Variants in PPARGC1A observed in about 807,000 individuals in gnomAD.
PPARGC1A encodes PPARG coactivator 1 alpha.
In PPARGC1A, 25 loss-of-function variants were observed where a neutral mutation model predicts 88.7. That is an observed-to-expected ratio of 0.28 (90% CI 0.21 to 0.39). The LOEUF (loss-of-function observed/expected upper bound fraction) is 0.39. PPARGC1A is among the 10% of genes least tolerant of loss of function. The pLI, the probability that PPARGC1A is intolerant of heterozygous loss-of-function variation, is 1.00. For missense variants in PPARGC1A, 880 were observed against 968.7 expected (o/e 0.91, Z 1.22); for synonymous variants, 363 against 355.6 (o/e 1.02, Z -0.24).
At position 23,870,656 on chromosome 4, in the gene PPARGC1A, G is replaced by A. The variant is rs965691824; in HGVS notation, c.234+14096C>T. On this transcript the variant is annotated intron_variant, in intron 2 of 12. Coordinates refer to ENST00000264867, the MANE Select transcript of PPARGC1A (RefSeq NM_013261.5). The stretch of plus-strand genomic sequence containing the variant: ...CAAGCGTTAAGTGAGGGGTGAAGAA[G>A]TGTATCTGGGAATAAAATGTGCTCC... 2.0e-5 allele frequency among the ~76,000 whole-genome samples: 3 copies of A among 152,190 alleles called. No individual in the cohort carries two copies. In the South Asian group the frequency reaches 6.2e-4, roughly 31 times the overall value.
chr4:24,391,685 A>T, the PPARGC1A span, among the ~76,000 whole-genome samples: 10 of 152,326 alleles, frequency 6.6e-5, no homozygotes, highest in South Asian at 1.7e-3. Context: ...ATAATCTCAT[A>T]AATCTCTTCA....
At chr4:23,968,468 T>C in the PPARGC1A span, among the ~76,000 whole-genome samples, 1 of 151,970 alleles carries the variant, frequency 6.6e-6, no homozygotes, top group Non-Finnish European at 1.5e-5. Context: ...CATGCTGGAG[T>C]CCCTTCCACA....
At chr4:24,331,063 T>G in the PPARGC1A span, among the ~76,000 whole-genome samples, 1 of 152,168 alleles carries the variant, frequency 6.6e-6, no homozygotes, top group Non-Finnish European at 1.5e-5. Context: ...AGTAATATTC[T>G]TCATGCTGTT....
chr4:24,075,176 A>G, the PPARGC1A span, among the ~76,000 whole-genome samples: 19 of 152,176 alleles, frequency 1.2e-4, no homozygotes, highest in Admixed American at 1.1e-3. Flanking sequence ...ATGTGTTTAA[A>G]ATATTCTGTA....
At chr4:23,895,118 G>C (rs1173321868) in intron 1 of PPARGC1A, among the ~76,000 whole-genome samples, 6 of 126,104 alleles carry the variant, frequency 4.8e-5, no homozygotes, top group Admixed American at 2.6e-4. Flanking sequence ...GCTGAACTTA[G>C]TAAGTGCCAG....
chr4:23,953,939 C>T, the PPARGC1A span, among the ~76,000 whole-genome samples: 1 of 151,954 alleles, frequency 6.6e-6, no homozygotes, highest in Admixed American at 6.6e-5. Context: ...TTTCATAAGA[C>T]CGTACTGTCT....
the PPARGC1A span, among the ~76,000 whole-genome samples, chr4:24,354,167 G>T: frequency 6.6e-6 from 1 of 152,200 alleles, no homozygotes; most frequent in African/African-American, 2.4e-5. Flanking sequence ...GACGTCAGAT[G>T]CTTCTCATGC....
the PPARGC1A span, among the ~76,000 whole-genome samples, chr4:23,910,215 A>AATATATAATATATTATATATAAT: frequency 2.9e-4 from 31 of 106,532 alleles, 1 homozygote; most frequent in Non-Finnish European, 4.4e-4. Context: ...ATACATATAT[A>AATATATAATATATTATATATAAT]ATATATAATA....
the PPARGC1A span, among the ~76,000 whole-genome samples, chr4:24,161,364 G>A: frequency 6.6e-6 from 1 of 152,176 alleles, no homozygotes; most frequent in Non-Finnish European, 1.5e-5. Flanking sequence ...GCCTGCAAGA[G>A]TCAGCTCAGG....
At chr4:24,200,655 C>CAAAAAAAAAAAAAA in the PPARGC1A span, among the ~76,000 whole-genome samples, 145 of 88,312 alleles carry the variant, frequency 1.6e-3, 24 homozygotes, top group Non-Finnish European at 2.3e-3. Flanking sequence ...ATTTATTAAG[C>CAAAAAAAAAAAAAA]AAAAAAAAAA....
chr4:24,312,691 A>C, the PPARGC1A span, among the ~76,000 whole-genome samples: 1 of 150,592 alleles, frequency 6.6e-6, no homozygotes, highest in Non-Finnish European at 1.5e-5. Flanking sequence ...CTCTCTCTCT[A>C]CTCTGTAACT....
At chr4:24,319,700 C>T in the PPARGC1A span, among the ~76,000 whole-genome samples, 1 of 152,172 alleles carries the variant, frequency 6.6e-6, no homozygotes, top group Non-Finnish European at 1.5e-5. Flanking sequence ...ATACAACTAA[C>T]GGTTCTCTCT....
At chr4:23,912,136 C>A in the PPARGC1A span, among the ~76,000 whole-genome samples, 1 of 152,066 alleles carries the variant, frequency 6.6e-6, no homozygotes, top group South Asian at 2.1e-4. Context: ...GAAGAGGTGG[C>A]ATTTTCAAGA....
the PPARGC1A span, among the ~76,000 whole-genome samples, chr4:23,999,483 C>CA: frequency 1.3e-5 from 2 of 152,068 alleles, no homozygotes; most frequent in African/African-American, 4.8e-5. Flanking sequence ...TGTTTGATGC[C>CA]AAAAAGATGT....
At chr4:24,045,004 T>C in the PPARGC1A span, among the ~76,000 whole-genome samples, 1 of 152,178 alleles carries the variant, frequency 6.6e-6, no homozygotes, top group African/African-American at 2.4e-5. Context: ...TTGGGGGAAC[T>C]ACCCACAGCC....
At chr4:24,017,651 A>G in the PPARGC1A span, among the ~76,000 whole-genome samples, 1 of 152,180 alleles carries the variant, frequency 6.6e-6, no homozygotes, top group East Asian at 1.9e-4. Context: ...ATTTTTCCTA[A>G]TAAAACAGTT....
the PPARGC1A span, among the ~76,000 whole-genome samples, chr4:24,448,780 C>A: frequency 1.3e-5 from 2 of 152,148 alleles, no homozygotes; most frequent in South Asian, 4.1e-4. Context: ...CTCACACACA[C>A]CCCATTGAAA....
the PPARGC1A span, among the ~76,000 whole-genome samples, chr4:24,041,552 C>T: frequency 6.6e-6 from 1 of 152,194 alleles, no homozygotes; most frequent in Non-Finnish European, 1.5e-5. Flanking sequence ...TATGTGCCAT[C>T]TGCTACCTGC....
At chr4:24,341,845 G>T in the PPARGC1A span, among the ~76,000 whole-genome samples, 23 of 152,252 alleles carry the variant, frequency 1.5e-4, no homozygotes, top group African/African-American at 5.3e-4. Context: ...GCTCACAGAA[G>T]GTGCTCACTA....
Sources: gnomAD v4.1 joint callset for allele counts (sites outside exome capture counted in the v4.1 genomes callset) on GRCh38, gnomAD v4.1.1 for gene constraint, MANE v1.5 for transcripts, NCBI Gene and HGNC (gene_info 2026-07-23, HGNC 2026-07-21) for gene names.